Variants in C9 observed in about 807,000 individuals in gnomAD.
The protein encoded by C9 is complement component C9.
Under a neutral mutation model 65.4 loss-of-function variants are expected in C9, and 63 were observed. That is an observed-to-expected ratio of 0.96 (90% CI 0.79 to 1.19). The LOEUF (loss-of-function observed/expected upper bound fraction) is 1.19. Among genes scored for constraint, C9 ranks in the 50% most tolerant of loss-of-function variants. The pLI is 0.00. For missense variants in C9, 744 were observed against 670.1 expected (o/e 1.11, Z -1.22); for synonymous variants, 229 against 227.9 (o/e 1.00, Z -0.04).
intron 4 of C9, among the ~76,000 whole-genome samples, chr5:39,333,499 C>T (rs1180199680): frequency 6.6e-6 from 1 of 151,586 alleles, no homozygotes. Context: ...CCAGCTGTTG[C>T]AGCTTGAGGT....
At chr5:39,311,525 TA>T (rs1235359038) in intron 6 of C9, 148 bp from the exon 7 acceptor site, 36 of 703,838 alleles carry the variant, frequency 5.1e-5, no homozygotes, top group Admixed American at 9.6e-5. Context: ...GGGCTAAATG[TA>T]AAATACTATC....
At chr5:39,351,371 A>T (rs935347977) in intron 1 of C9, among the ~76,000 whole-genome samples, 1 of 152,180 alleles carries the variant, frequency 6.6e-6, no homozygotes, top group African/African-American at 2.4e-5. Flanking sequence ...TTATTTTTGC[A>T]AATATCTGCA....
chr5:39,363,106 AG>A (rs1754551056), intron 1 of C9, among the ~76,000 whole-genome samples: 1 of 152,160 alleles, frequency 6.6e-6, no homozygotes, highest in South Asian at 2.1e-4. Context: ...ATTATTTTTT[AG>A]CTTAAGAAAG....
chr5:39,356,403 A>G (rs974909432), intron 1 of C9, among the ~76,000 whole-genome samples: 9 of 152,204 alleles, frequency 5.9e-5, no homozygotes, highest in Admixed American at 2.6e-4. Flanking sequence ...TCTGCATCTA[A>G]TAGCCTCATG....
rs1334043968 is a variant in C9, at chr5:39,309,264, A to G, written c.1112-906T>C. ...CCGTTATTTATCATTTATTTCATAC[A>G]TGCAAACACACACACACACACATAC... On this transcript the variant is annotated intron_variant, in intron 7 of 10. Coordinates refer to ENST00000263408, the MANE Select transcript of C9 (RefSeq NM_001737.5). Among the ~76,000 whole-genome samples the G allele has an allele frequency of 2.6e-5, 4 of 152,092 alleles. No individual in the cohort carries two copies. In the East Asian group the frequency reaches 7.7e-4, roughly 29 times the overall value.
At chr5:39,286,666 G>A (rs1214778382) in intron 10 of C9, among the ~76,000 whole-genome samples, 1 of 151,930 alleles carries the variant, frequency 6.6e-6, no homozygotes, top group Non-Finnish European at 1.5e-5. Flanking sequence ...GAGAGAAATA[G>A]GTAGAAAATA....
chr5:39,353,146 A>G (rs1205402750), intron 1 of C9, among the ~76,000 whole-genome samples: 1 of 152,234 alleles, frequency 6.6e-6, no homozygotes, highest in East Asian at 1.9e-4. Context: ...ATGAGCCAAG[A>G]AGCACAGGCA....
In C9 at chr5:39,308,223, CACTT is replaced by C; in HGVS notation, c.1240+3_1240+6del. On this transcript the variant is annotated splice_donor_5th_base_variant and intron_variant, in intron 8 of 10. Coordinates refer to ENST00000263408, the MANE Select transcript of C9 (RefSeq NM_001737.5). ...TTATAAAATCTAACAAGTGAGGCCA[CACTT>C]ACCAGCTCTACCCTCTCCCCTCTTT... is the stretch of plus-strand genomic sequence containing the variant. 1 of 1,612,820 alleles carries C rather than the reference CACTT, an allele frequency of 6.2e-7. No homozygotes were observed. Among genetic ancestry groups the C allele is most frequent in the East Asian group, 2.2e-5 (1 of 44,844 alleles).
At chr5:39,351,633 C>T (rs1048108875) in intron 1 of C9, among the ~76,000 whole-genome samples, 2 of 152,160 alleles carry the variant, frequency 1.3e-5, no homozygotes, top group African/African-American at 2.4e-5. Flanking sequence ...AGCATGGGCA[C>T]AATACCACCA....
chr5:39,334,177 TCCCGGCCGCCATC>T (rs1753906503), intron 4 of C9, among the ~76,000 whole-genome samples: 1 of 137,634 alleles, frequency 7.3e-6, no homozygotes, highest in African/African-American at 2.8e-5. Flanking sequence ...GAGCGCCTCT[TCCCGGCCGCCATC>T]CCATCTAGGA....
chr5:39,359,251 G>A (rs181352684), intron 1 of C9, among the ~76,000 whole-genome samples: 3 of 151,540 alleles, frequency 2.0e-5, no homozygotes, highest in African/African-American at 7.3e-5. Flanking sequence ...GTAGAGACGA[G>A]TACAGAAATC....
At chr5:39,337,279 A>G (rs1294574905) in intron 4 of C9, among the ~76,000 whole-genome samples, 1 of 152,156 alleles carries the variant, frequency 6.6e-6, no homozygotes, top group Non-Finnish European at 1.5e-5. Flanking sequence ...TGCATATCCT[A>G]GTTTGAAGGT....
At chr5:39,362,933 C>G (rs1194312783) in intron 1 of C9, among the ~76,000 whole-genome samples, 1 of 152,052 alleles carries the variant, frequency 6.6e-6, no homozygotes, top group Non-Finnish European at 1.5e-5. Context: ...GCTGCTGGAG[C>G]TGGGGTCCAG....
intron 5 of C9, among the ~76,000 whole-genome samples, chr5:39,327,134 AG>A (rs1385493724): frequency 1.3e-5 from 2 of 152,288 alleles, no homozygotes; most frequent in African/African-American, 4.8e-5. Context: ...GAGGATTCAG[AG>A]GAGAAAGCTG....
chr5:39,318,255 AC>A (rs1753606256), intron 5 of C9, among the ~76,000 whole-genome samples: 1 of 152,180 alleles, frequency 6.6e-6, no homozygotes, highest in South Asian at 2.1e-4. Context: ...CTGGGCTGAG[AC>A]AACGGGGTTT....
intron 1 of C9, among the ~76,000 whole-genome samples, chr5:39,362,817 C>T (rs1337071406): frequency 6.6e-6 from 1 of 152,126 alleles, no homozygotes; most frequent in Non-Finnish European, 1.5e-5. Flanking sequence ...GACCTCAACC[C>T]CCGTCAAAGG....
chr5:39,340,669 C>T (rs961562012), intron 4 of C9, among the ~76,000 whole-genome samples: 3 of 152,178 alleles, frequency 2.0e-5, no homozygotes, highest in African/African-American at 7.2e-5. Flanking sequence ...AAAACTACTT[C>T]CTCTGATCAC....
chr5:39,289,041 C>T (rs1242024509), intron 9 of C9, 90 bp from the exon 10 acceptor site: 3 of 764,666 alleles, frequency 3.9e-6, no homozygotes, highest in Non-Finnish European at 7.0e-6. Context: ...TTCACTGATT[C>T]ATTAATTCAA....
At chr5:39,363,961 C>A (rs1754568257) in intron 1 of C9, among the ~76,000 whole-genome samples, 1 of 152,062 alleles carries the variant, frequency 6.6e-6, no homozygotes, top group Non-Finnish European at 1.5e-5. Context: ...TTAACCTTTG[C>A]CTAATGTGGA....
Sources: gnomAD v4.1 joint callset for allele counts (sites outside exome capture counted in the v4.1 genomes callset) on GRCh38, gnomAD v4.1.1 for gene constraint, MANE v1.5 for transcripts, NCBI Gene and HGNC (gene_info 2026-07-23, HGNC 2026-07-21) for gene names.